The following PBX1 variants were observed in gnomAD, a reference collection of about 807,000 sequenced individuals.
The protein encoded by PBX1 is pre-B-cell leukemia transcription factor 1.
In PBX1, 6 loss-of-function variants were observed where a neutral mutation model predicts 53.4. The ratio of observed to expected loss-of-function variants is 0.11; its 90% CI spans 0.06 to 0.22. The LOEUF is 0.22. Ranked by LOEUF, PBX1 falls within the 10% of genes least tolerant of loss-of-function variation. The probability of loss-of-function intolerance (pLI) is 1.00; values close to 1 mark genes in which losing one functional copy is unlikely to be tolerated. For synonymous variants in PBX1, 204 were observed against 212.3 expected (o/e 0.96, Z 0.34); for missense variants, 251 against 551.4 (o/e 0.46, Z 5.46).
intron 2 of PBX1, among the ~76,000 whole-genome samples, chr1:164,653,360 T>A (rs961455579): frequency 2.0e-5 from 3 of 152,032 alleles, no homozygotes; most frequent in Non-Finnish European, 4.4e-5. Flanking sequence ...TTTTTTTTTT[T>A]AAATCTTTTT....
intron 2 of PBX1, among the ~76,000 whole-genome samples, chr1:164,743,384 C>T (rs1376055553): frequency 2.0e-5 from 3 of 152,074 alleles, no homozygotes; most frequent in East Asian, 3.9e-4. Context: ...ATATAATACT[C>T]CTAGCCCTTG....
At chr1:164,581,225 G>A (rs969329857) in intron 2 of PBX1, among the ~76,000 whole-genome samples, 4 of 149,352 alleles carry the variant, frequency 2.7e-5, no homozygotes, top group Admixed American at 1.3e-4. Context: ...CTCCCCGACC[G>A]CCATTTTTTT....
At chr1:164,681,142 G>A (rs944865213) in intron 2 of PBX1, among the ~76,000 whole-genome samples, 1 of 152,118 alleles carries the variant, frequency 6.6e-6, no homozygotes, top group South Asian at 2.1e-4. Context: ...CTACCCAGGA[G>A]GCTGAGGTGG....
At chr1:164,879,849 T>C (rs540730282) in intron 2 of PBX1, among the ~76,000 whole-genome samples, 2 of 152,294 alleles carry the variant, frequency 1.3e-5, no homozygotes, top group Non-Finnish European at 2.9e-5. Context: ...CGTATTCCAT[T>C]GAAATGCAGT....
chr1:164,670,217 C>G (rs1036424187), intron 2 of PBX1, among the ~76,000 whole-genome samples: 6 of 152,252 alleles, frequency 3.9e-5, no homozygotes, highest in Admixed American at 3.9e-4. Context: ...CTGCCTAGGA[C>G]CTCTCTAAGA....
chr1:164,730,140 G>A (rs1664900921), intron 2 of PBX1, among the ~76,000 whole-genome samples: 1 of 152,214 alleles, frequency 6.6e-6, no homozygotes, highest in Non-Finnish European at 1.5e-5. Flanking sequence ...GGGATGGCAG[G>A]TGGATCAGCT....
At chr1:164,667,434 A>G (rs55750995) in intron 2 of PBX1, among the ~76,000 whole-genome samples, 7,498 of 118,506 alleles carry the variant, frequency 0.063, 235 homozygotes, top group Admixed American at 0.097. Flanking sequence ...GTGTGTGTGT[A>G]TATATGTATA....
At chr1:164,819,426 T>G (rs1016077572) in intron 6 of PBX1, 1 of 152,140 alleles carries the variant, frequency 6.6e-6, no homozygotes, top group African/African-American at 2.4e-5. Flanking sequence ...CAGAGAAGGG[T>G]AGATCACTCC....
chr1:164,686,729 C>T (rs1422408114), intron 2 of PBX1, among the ~76,000 whole-genome samples: 10 of 152,136 alleles, frequency 6.6e-5, no homozygotes, highest in East Asian at 3.9e-4. Context: ...GAGGCTGAGG[C>T]GGGCGGATCA....
At chr1:164,587,182 A>G (rs1255111193) in intron 2 of PBX1, among the ~76,000 whole-genome samples, 1 of 152,184 alleles carries the variant, frequency 6.6e-6, no homozygotes, top group East Asian at 1.9e-4. Context: ...ATGTACTGCT[A>G]TCTTTCACTT....
rs1485453705 is a variant in PBX1, at chr1:164,849,596, C to T, written c.*2920C>T. ...CCATTTTCCCCGACAGCGAATTTCCCCTGAGAAACGATACTAGACCCTGGG... is the reference window on the plus strand; with the variant it reads ...CCATTTTCCCCGACAGCGAATTTCCTCTGAGAAACGATACTAGACCCTGGG... On this transcript the variant is annotated 3_prime_UTR_variant, in exon 9 of 9. Transcript: ENST00000420696. 7.4e-6 allele frequency: 6 copies of T among 807,048 alleles called. No individual in the cohort carries two copies. Among genetic ancestry groups the T allele is most frequent in the Non-Finnish European group, 1.1e-5 (6 of 535,102 alleles). The allele number at this position is 807,048 out of a possible 1,614,324, so 50.0% of individuals were successfully genotyped here. A position where few individuals can be genotyped will look rare whatever the true frequency, so the allele number is the denominator to read the frequency against.
chr1:164,798,939 C>T (rs1468039487), intron 3 of PBX1, among the ~76,000 whole-genome samples: 1 of 152,108 alleles, frequency 6.6e-6, no homozygotes, highest in African/African-American at 2.4e-5. Context: ...TTCCATAATT[C>T]CATTTAAACT....
In PBX1 at chr1:164,860,859, G is replaced by A. The variant is rs188081962; in HGVS notation, n.257+29376G>A. On this transcript the variant is annotated intron_variant and non_coding_transcript_variant, in intron 2 of 2. Transcript: ENST00000558796. ...CTTAGTACTTGCTCAGACAAGAGAG[G>A]GAGGAAGGAACGAAGGCAAAAAAGA... Among the ~76,000 whole-genome samples, 4 of 152,168 alleles carry A rather than the reference G, an allele frequency of 2.6e-5. No individual in the cohort carries two copies. In the East Asian group the frequency reaches 7.7e-4, roughly 29 times the overall value.
At chr1:164,568,989 A>G (rs78127509) in intron 2 of PBX1, among the ~76,000 whole-genome samples, 7,701 of 152,306 alleles carry the variant, frequency 0.051, 492 homozygotes, top group East Asian at 0.31. Flanking sequence ...TGAGATTGCA[A>G]TGGGTGGAAA....
In PBX1 at chr1:164,847,196, C is replaced by G. The variant is rs1404915859; in HGVS notation, c.*520C>G. 3 of 1,078,384 alleles carry G rather than the reference C, an allele frequency of 2.8e-6. No homozygotes were observed. The East Asian group carries it at 1.4e-4, about 51-fold the overall frequency. The allele number at this position is 1,078,384 out of a possible 1,614,324, so 66.8% of individuals were successfully genotyped here. A position where few individuals can be genotyped will look rare whatever the true frequency, so the allele number is the denominator to read the frequency against. The stretch of plus-strand genomic sequence containing the variant: ...CTCTTAGCAGGAATACTCCACATTG[C>G]CCTATTCATTCCAGGCCTCCCTGCT... On this transcript the variant is annotated 3_prime_UTR_variant, in exon 9 of 9. Transcript: ENST00000420696.
chr1:164,755,998 GA>G (rs370503258), intron 2 of PBX1, among the ~76,000 whole-genome samples: 1,382 of 124,980 alleles, frequency 0.011, 9 homozygotes, highest in African/African-American at 0.026. Flanking sequence ...CCCGATTCAG[GA>G]AAAAAAAAAA....
At chr1:164,747,972 T>A (rs547158087) in intron 2 of PBX1, among the ~76,000 whole-genome samples, 1 of 152,272 alleles carries the variant, frequency 6.6e-6, no homozygotes, top group East Asian at 1.9e-4. Flanking sequence ...AAGTAAATGA[T>A]GCATGCCAAG....
chr1:164,853,417 T>C (rs1195054831), downstream of PBX1, among the ~76,000 whole-genome samples: 1 of 152,160 alleles, frequency 6.6e-6, no homozygotes, highest in Non-Finnish European at 1.5e-5. Flanking sequence ...TATAGCTGTT[T>C]CATTGACTGG....
chr1:164,676,018 G>A (rs957166176), intron 2 of PBX1, among the ~76,000 whole-genome samples: 13 of 152,098 alleles, frequency 8.5e-5, no homozygotes, highest in Non-Finnish European at 1.8e-4. Flanking sequence ...GTATGAACGC[G>A]TGCAGTTTGC....
Sources: allele counts gnomAD v4.1 joint callset (sites outside exome capture counted in the v4.1 genomes callset), GRCh38; gene constraint gnomAD v4.1.1; transcripts MANE v1.5; gene names NCBI Gene and HGNC (gene_info 2026-07-23, HGNC 2026-07-21).